Variants in KATNIP observed in about 807,000 individuals in gnomAD.
KATNIP encodes the protein katanin interacting protein.
A neutral mutation model predicts 174.0 loss-of-function variants in KATNIP; 126 were observed. The ratio of observed to expected loss-of-function variants is 0.72; its 90% CI spans 0.63 to 0.84. The LOEUF is 0.84. Ranked by LOEUF, KATNIP falls within the 40% of genes least tolerant of loss-of-function variation. The pLI is 0.00. For synonymous variants in KATNIP, 810 were observed against 835.7 expected (o/e 0.97, Z 0.53); for missense variants, 1,958 against 2,109.7 (o/e 0.93, Z 1.41).
chr16:27,766,509 C>T (rs757467915), intron 20 of KATNIP, 35 bp downstream of exon 20: 29 of 1,591,008 alleles, frequency 1.8e-5, no homozygotes, highest in Admixed American at 5.0e-5. Context: ...CTCAGTCCAG[C>T]ATCAGGGAAG....
chr16:27,599,293 C>T (rs1596863519), intron 2 of KATNIP, among the ~76,000 whole-genome samples: 1 of 152,134 alleles, frequency 6.6e-6, no homozygotes, highest in African/African-American at 2.4e-5. Flanking sequence ...CTGGATGCTT[C>T]GAAGATTCCT....
intron 19 of KATNIP, 126 bp downstream of exon 19, chr16:27,761,716 G>T: frequency 2.4e-6 from 2 of 850,204 alleles, no homozygotes; most frequent in Non-Finnish European, 3.7e-6. Context: ...CACCCTGTGA[G>T]GTAATGTGGT....
intron 7 of KATNIP, chr16:27,681,193 C>A: frequency 1.7e-6 from 1 of 603,698 alleles, no homozygotes; most frequent in South Asian, 1.8e-5. Flanking sequence ...TATGTACTTA[C>A]CAAAATGTGG....
Position 27,721,602 on chromosome 16 carries a change from A to G in KATNIP, c.1650A>G (p.Pro550=). 1 of 1,613,774 alleles carries G rather than the reference A, an allele frequency of 6.2e-7. No individual in the cohort carries two copies. Among genetic ancestry groups the G allele is most frequent in the Non-Finnish European group, 8.5e-7 (1 of 1,179,940 alleles). The change falls in exon 14 of 28, where the codon CCA becomes CCG. Residue 550 remains proline, a synonymous_variant. Transcript: ENST00000261588. ...SSPWTCPFHP[P]LQLFFVIRNT... ...CGTGGACCTGCCCCTTCCACCCACC[A>G]CTCCAGCTGTTTTTTGTTATTCGAA...
At chr16:27,761,391 G>T in intron 18 of KATNIP, 22 bp from the exon 19 acceptor site, 1 of 1,593,492 alleles carries the variant, frequency 6.3e-7, no homozygotes. Flanking sequence ...GTGCTAATGG[G>T]CCACTTCTCT....
chr16:27,743,672 A>C (rs2081187485), intron 15 of KATNIP, among the ~76,000 whole-genome samples: 1 of 152,194 alleles, frequency 6.6e-6, no homozygotes, highest in African/African-American at 2.4e-5. Flanking sequence ...ACGTTACCCA[A>C]ATAACCTCCC....
intron 1 of KATNIP, among the ~76,000 whole-genome samples, chr16:27,551,105 T>G (rs1454126303): frequency 6.6e-6 from 1 of 152,198 alleles, no homozygotes; most frequent in Non-Finnish European, 1.5e-5. Flanking sequence ...GGATCCCTGA[T>G]TAGAGTCATG....
At chr16:27,566,530 C>CT (rs2090096127) in intron 1 of KATNIP, among the ~76,000 whole-genome samples, 1 of 148,168 alleles carries the variant, frequency 6.7e-6, no homozygotes, top group Admixed American at 6.8e-5. Context: ...GAGTGAGACT[C>CT]TGTCTAAAAA....
rs542448136 is a variant in KATNIP at position 27,738,003 on chromosome 16, G to A, written c.1744-2038G>A. 5.0e-4 allele frequency among the ~76,000 whole-genome samples: 76 copies of A among 152,274 alleles called. 1 individual carries two copies. Among genetic ancestry groups the A allele is most frequent in the African/African-American group, 1.8e-3 (74 of 41,560 alleles). The stretch of plus-strand genomic sequence containing the variant: ...GGAGGAACAAGGGGTAGTGGGAGGA[G>A]GAGCCCACGGGGACAGTGACACTCA... On this transcript the variant is annotated intron_variant, in intron 14 of 27. Coordinates refer to ENST00000261588, the MANE Select transcript of KATNIP (RefSeq NM_015202.5).
chr16:27,707,216 C>G (rs760276583), intron 12 of KATNIP, among the ~76,000 whole-genome samples: 1 of 152,190 alleles, frequency 6.6e-6, no homozygotes, highest in Non-Finnish European at 1.5e-5. Flanking sequence ...AGAACCATTG[C>G]AGATTACCCA....
chr16:27,626,638 T>C (rs764542424), intron 3 of KATNIP, among the ~76,000 whole-genome samples: 8 of 152,142 alleles, frequency 5.3e-5, no homozygotes, highest in Non-Finnish European at 7.4e-5. Context: ...CTTATACTCC[T>C]TATCTACTAA....
intron 2 of KATNIP, among the ~76,000 whole-genome samples, chr16:27,578,441 A>G (rs2090577373): frequency 6.6e-6 from 1 of 152,112 alleles, no homozygotes; most frequent in South Asian, 2.1e-4. Context: ...CACCGCTGCC[A>G]CAGATACCAG....
intron 6 of KATNIP, among the ~76,000 whole-genome samples, chr16:27,669,980 G>A (rs922656251): frequency 1.3e-5 from 2 of 151,914 alleles, no homozygotes; most frequent in Non-Finnish European, 2.9e-5. Flanking sequence ...GAGCCACTGC[G>A]CCTGGCCTAT....
rs1046010051 is a variant in KATNIP at position 27,721,593 on chromosome 16, C to T, written c.1641C>T (p.Phe547=). 5.0e-6 allele frequency: 8 copies of T among 1,614,180 alleles called. No individual in the cohort carries two copies. The highest frequency in any genetic ancestry group is 1.7e-5 in the Admixed American group (1 of 60,030). Residue 547 remains phenylalanine, a synonymous_variant, in exon 14 of 28, where the codon TTC becomes TTT. Transcript: ENST00000261588. ...KKDSSPWTCP[F]HPPLQLFFVI... ...ACTCCTCCCCGTGGACCTGCCCCTTCCACCCACCACTCCAGCTGTTTTTTG... is the reference window on the plus strand; with the variant it reads ...ACTCCTCCCCGTGGACCTGCCCCTTTCACCCACCACTCCAGCTGTTTTTTG...
At chr16:27,749,502 C>T in intron 15 of KATNIP, 82 bp from the exon 16 acceptor site, 4 of 1,469,856 alleles carry the variant, frequency 2.7e-6, no homozygotes, top group Non-Finnish European at 3.6e-6. Context: ...CTGAGAGCCA[C>T]CACAGGAGAC....
chr16:27,771,655 A>G lies in KATNIP; in HGVS notation c.4198+3A>G. ...GGCACCGCTGATGCCCTGTGGCTGTATCCTTCTCCTCCCGCCCCACCAGCA... is the reference window on the plus strand; with the variant it reads ...GGCACCGCTGATGCCCTGTGGCTGTGTCCTTCTCCTCCCGCCCCACCAGCA... On this transcript the variant is annotated splice_donor_region_variant and intron_variant, in intron 22 of 27. Coordinates refer to ENST00000261588, the MANE Select transcript of KATNIP (RefSeq NM_015202.5). 2 of 1,613,068 alleles carry G rather than the reference A, an allele frequency of 1.2e-6. No individual in the cohort carries two copies. The highest frequency in any genetic ancestry group is 1.7e-6 in the Non-Finnish European group (2 of 1,179,462).
chr16:27,777,211 G>A lies in KATNIP; in HGVS notation c.4551+182G>A, dbSNP rs189477899. Among the ~76,000 whole-genome samples, 80 of 152,328 alleles carry A rather than the reference G, an allele frequency of 5.3e-4. No individual in the cohort carries two copies. The East Asian group carries it at 0.012, about 22-fold the overall frequency. On this transcript the variant is annotated intron_variant, in intron 25 of 27. Transcript: ENST00000261588. The surrounding 1 kb of genome is among the most constrained non-coding windows in gnomAD (Gnocchi z 4.4). ...CATGAATTCAGAACCTGCTGGCAGTGATTTCAGTGTCACCCTGAGCAAATA... is the reference window on the plus strand; with the variant it reads ...CATGAATTCAGAACCTGCTGGCAGTAATTTCAGTGTCACCCTGAGCAAATA...
chr16:27,688,965 A>G (rs2078619783), intron 8 of KATNIP, among the ~76,000 whole-genome samples: 1 of 152,220 alleles, frequency 6.6e-6, no homozygotes, highest in African/African-American at 2.4e-5. Context: ...CAGATCTGCA[A>G]AGATCCACTA....
chr16:27,709,758 C>T (rs551744188), intron 13 of KATNIP, among the ~76,000 whole-genome samples: 2 of 152,196 alleles, frequency 1.3e-5, no homozygotes, highest in East Asian at 3.8e-4. Context: ...TGTTTCCCAG[C>T]CCCTGCTCTG....
Sources: gnomAD v4.1 joint callset for allele counts (sites outside exome capture counted in the v4.1 genomes callset) on GRCh38, gnomAD v4.1.1 for gene constraint, Gnocchi (gnomAD v3.1) non-coding constraint, MANE v1.5 for transcripts, NCBI Gene and HGNC (gene_info 2026-07-23, HGNC 2026-07-21) for gene names.